ADCY2: variants seen among roughly 807,000 people sequenced by gnomAD.
ADCY2 encodes the protein adenylate cyclase 2, also known as adenylate cyclase type 2.
Under a neutral mutation model 125.2 loss-of-function variants are expected in ADCY2, and 31 were observed. The observed-to-expected ratio is 0.25, with a 90% CI of 0.19 to 0.33. The LOEUF (loss-of-function observed/expected upper bound fraction) is 0.33, where lower values mean the gene tolerates loss of function less well. Ranked by LOEUF, ADCY2 falls within the 10% of genes least tolerant of loss-of-function variation. The pLI is 1.00. For synonymous variants in ADCY2, 512 were observed against 548.4 expected (o/e 0.93, Z 0.93); for missense variants, 904 against 1,418.2 (o/e 0.64, Z 5.82).
rs1487342721 is a variant in ADCY2, at chr5:7,802,194, A to C, written c.2629-24A>C. On this transcript the variant is annotated intron_variant, in intron 20 of 24. Coordinates refer to ENST00000338316, the MANE Select transcript of ADCY2 (RefSeq NM_020546.3). This position sits in a 1 kb window ranked among gnomAD's most constrained non-coding sequence, Gnocchi z 4.6. ...TTTAAAGGTCAGTCTCCTAGTGATC[A>C]GCTCTTGCTTTTCTCCCAAGCAGGA... 14 of 1,611,414 alleles carry C rather than the reference A, an allele frequency of 8.7e-6. No homozygotes were observed. The highest frequency in any genetic ancestry group is 1.3e-5 in the African/African-American group (1 of 74,844).
chr5:7,427,919 G>C (rs983966208), intron 2 of ADCY2, among the ~76,000 whole-genome samples: 7 of 152,144 alleles, frequency 4.6e-5, no homozygotes, highest in African/African-American at 9.7e-5. Context: ...CACTCCATAT[G>C]GCATGGCTCC....
intron 2 of ADCY2, among the ~76,000 whole-genome samples, chr5:7,515,592 G>A (rs955918139): frequency 1.3e-5 from 2 of 152,208 alleles, no homozygotes; most frequent in South Asian, 2.1e-4. Flanking sequence ...TTGAAGATTA[G>A]CATGTCTATA....
At chr5:7,463,437 C>T (rs1381472514) in intron 2 of ADCY2, among the ~76,000 whole-genome samples, 1 of 151,980 alleles carries the variant, frequency 6.6e-6, no homozygotes, top group African/African-American at 2.4e-5. Flanking sequence ...TAAGTCCCTT[C>T]CTTTGCACTT....
At chr5:7,624,932 G>A (rs561454098) in intron 3 of ADCY2, among the ~76,000 whole-genome samples, 1 of 152,342 alleles carries the variant, frequency 6.6e-6, no homozygotes, top group African/African-American at 2.4e-5. Context: ...AGGTAGACCT[G>A]TAGGTCTTGC....
chr5:7,489,880 C>T (rs146922410), intron 2 of ADCY2, among the ~76,000 whole-genome samples: 9 of 152,198 alleles, frequency 5.9e-5, no homozygotes, highest in South Asian at 4.1e-4. Context: ...TGAGCTGTCC[C>T]GTGATGACTT....
intron 4 of ADCY2, among the ~76,000 whole-genome samples, chr5:7,668,044 A>C (rs1230624870): frequency 2.6e-5 from 4 of 152,212 alleles, no homozygotes; most frequent in Non-Finnish European, 5.9e-5. Flanking sequence ...GTGAAAAATT[A>C]GTGAGGATGA....
chr5:7,762,534 G>A (rs1205896570), intron 16 of ADCY2, among the ~76,000 whole-genome samples: 3 of 152,216 alleles, frequency 2.0e-5, no homozygotes, highest in African/African-American at 7.2e-5. Flanking sequence ...GTGGTGCAAG[G>A]GAAGCATACT....
chr5:7,411,702 A>G (rs1046652815), intron 1 of ADCY2, among the ~76,000 whole-genome samples: 10 of 152,314 alleles, frequency 6.6e-5, no homozygotes, highest in Admixed American at 2.6e-4. Context: ...TTTAGAACCA[A>G]AATCAAAATC....
chr5:7,720,000 G>A (rs187244597), intron 12 of ADCY2, among the ~76,000 whole-genome samples: 36 of 141,898 alleles, frequency 2.5e-4, no homozygotes, highest in Non-Finnish European at 4.0e-4. Flanking sequence ...TTTAGTTTCC[G>A]TAACCTCTTG....
intron 14 of ADCY2, among the ~76,000 whole-genome samples, chr5:7,737,679 C>T (rs764524902): frequency 6.6e-6 from 1 of 152,060 alleles, no homozygotes; most frequent in Non-Finnish European, 1.5e-5. Context: ...AAATCCATCA[C>T]TCTCCAAAGG....
intron 2 of ADCY2, among the ~76,000 whole-genome samples, chr5:7,482,602 C>T (rs1260886283): frequency 6.6e-6 from 1 of 151,864 alleles, no homozygotes; most frequent in Non-Finnish European, 1.5e-5. Context: ...ACTAGAACTA[C>T]CATACAATCT....
chr5:7,779,339 A>G (rs1743841151), intron 18 of ADCY2, among the ~76,000 whole-genome samples: 3 of 152,210 alleles, frequency 2.0e-5, no homozygotes, highest in Non-Finnish European at 4.4e-5. Context: ...TGATTTTAGA[A>G]TAGGGGAAGG....
chr5:7,459,815 C>T (rs1204579708), intron 2 of ADCY2, among the ~76,000 whole-genome samples: 10 of 98,884 alleles, frequency 1.0e-4, no homozygotes, highest in Non-Finnish European at 1.6e-4. Flanking sequence ...TGACGGGAGT[C>T]TGGCTCTCTC....
At chr5:7,496,748 C>T (rs58659258) in intron 2 of ADCY2, among the ~76,000 whole-genome samples, 7,300 of 152,010 alleles carry the variant, frequency 0.048, 609 homozygotes, top group African/African-American at 0.17. Context: ...GGATTAATTA[C>T]GTTAGGAGTG....
intron 3 of ADCY2, among the ~76,000 whole-genome samples, chr5:7,614,337 G>T (rs770984030): frequency 2.6e-5 from 4 of 152,032 alleles, no homozygotes; most frequent in Non-Finnish European, 4.4e-5. Context: ...GTGTACATCT[G>T]CCCTGTCCTT....
chr5:7,405,238 G>T (rs1739432144), intron 1 of ADCY2, among the ~76,000 whole-genome samples: 1 of 151,862 alleles, frequency 6.6e-6, no homozygotes, highest in African/African-American at 2.4e-5. Context: ...CATATGCCTG[G>T]AAGAAGGATG....
intron 4 of ADCY2, among the ~76,000 whole-genome samples, chr5:7,673,269 AATAT>A (rs1180249627): frequency 0.036 from 141 of 3,930 alleles, 20 homozygotes; most frequent in Non-Finnish European, 0.06. Context: ...AAAAAAAAAA[AATAT>A]ATATATATAT....
intron 19 of ADCY2, among the ~76,000 whole-genome samples, chr5:7,787,306 C>G (rs1016553419): frequency 1.3e-5 from 2 of 152,220 alleles, no homozygotes; most frequent in African/African-American, 4.8e-5. Flanking sequence ...TGGCCTCCCG[C>G]CATGTCTCTG....
intron 2 of ADCY2, among the ~76,000 whole-genome samples, chr5:7,446,467 G>A (rs78604020): frequency 0.033 from 5,054 of 151,924 alleles, 314 homozygotes; most frequent in African/African-American, 0.12. Context: ...TATTTCAATT[G>A]TCTTTGTTGC....
Sources: allele counts gnomAD v4.1 joint callset (sites outside exome capture counted in the v4.1 genomes callset), GRCh38; gene constraint gnomAD v4.1.1; non-coding constraint Gnocchi (gnomAD v3.1); transcripts MANE v1.5; gene names NCBI Gene and HGNC (gene_info 2026-07-23, HGNC 2026-07-21).